The following CNBD1 variants were observed in gnomAD, a reference collection of about 807,000 sequenced individuals.
The protein encoded by CNBD1 is cyclic nucleotide binding domain containing 1.
In CNBD1, 71 loss-of-function variants were observed where a neutral mutation model predicts 54.4. The ratio of observed to expected loss-of-function variants is 1.30; its 90% confidence interval spans 1.08 to 1.59. The LOEUF (loss-of-function observed/expected upper bound fraction) is 1.59, where lower values mean the gene tolerates loss of function less well. CNBD1 is among the 40% of genes most tolerant of loss of function. The pLI is 0.00. For synonymous variants in CNBD1, 182 were observed against 170.7 expected, an observed-to-expected ratio of 1.07 and a Z score of -0.51; for missense variants, 659 against 518.0, an observed-to-expected ratio of 1.27 and a Z score of -2.64.
chr8:87,334,690 GTTTTCTTTTTTCTTTTC>G (rs1470242462), intron 8 of CNBD1, among the ~76,000 whole-genome samples: 1 of 147,934 alleles, frequency 6.8e-6, no homozygotes, highest in Non-Finnish European at 1.5e-5. Context: ...TTTTGAGTGA[GTTTTCTTTTTTCTTTTC>G]TTTTCTTTTT....
intron 6 of CNBD1, among the ~76,000 whole-genome samples, chr8:87,280,131 C>A (rs16898282): frequency 0.28 from 42,606 of 151,286 alleles, 6,455 homozygotes; most frequent in African/African-American, 0.39. Context: ...TTAGTTCCAA[C>A]TTTACCTTCC....
chr8:86,932,547 G>A (rs1471708235), intron 3 of CNBD1, among the ~76,000 whole-genome samples: 1 of 152,194 alleles, frequency 6.6e-6, no homozygotes, highest in Non-Finnish European at 1.5e-5. Context: ...ATCCTTCAAT[G>A]AAAGGAAAGC....
chr8:87,348,354 G>T (rs1256295779), intron 8 of CNBD1, among the ~76,000 whole-genome samples: 1 of 152,020 alleles, frequency 6.6e-6, no homozygotes, highest in Non-Finnish European at 1.5e-5. Context: ...TATTCGCATT[G>T]GTATGGACTG....
chr8:86,978,502 GC>G (rs1412407334), intron 4 of CNBD1, among the ~76,000 whole-genome samples: 2 of 143,220 alleles, frequency 1.4e-5, no homozygotes, highest in East Asian at 4.2e-4. Flanking sequence ...TCCTAATAAT[GC>G]TTTTTACATT....
intron 4 of CNBD1, among the ~76,000 whole-genome samples, chr8:86,978,078 C>T (rs1808382585): frequency 6.6e-6 from 1 of 152,126 alleles, no homozygotes; most frequent in South Asian, 2.1e-4. Flanking sequence ...TTATGAATTA[C>T]ATTTTAATGT....
chr8:87,221,210 A>G (rs1395668801), intron 5 of CNBD1, among the ~76,000 whole-genome samples: 2 of 152,140 alleles, frequency 1.3e-5, no homozygotes, highest in Non-Finnish European at 2.9e-5. Flanking sequence ...TAAACCAGTC[A>G]TACTTCATTT....
At chr8:86,932,797 T>A (rs1413231151) in intron 3 of CNBD1, among the ~76,000 whole-genome samples, 13 of 151,864 alleles carry the variant, frequency 8.6e-5, no homozygotes, top group African/African-American at 3.1e-4. Flanking sequence ...GTGTTTCCCA[T>A]CTGAAAGAAA....
intron 4 of CNBD1, among the ~76,000 whole-genome samples, chr8:87,083,398 A>G (rs978950988): frequency 6.6e-6 from 1 of 152,114 alleles, no homozygotes; most frequent in African/African-American, 2.4e-5. Context: ...GGCAGCCACT[A>G]TAAGACTTCA....
At chr8:87,203,669 A>T (rs146964440) in intron 4 of CNBD1, among the ~76,000 whole-genome samples, 528 of 152,310 alleles carry the variant, frequency 3.5e-3, no homozygotes, top group African/African-American at 0.012. Flanking sequence ...AAAAAACAGA[A>T]AGTTTCACTA....
At chr8:86,907,632 C>T (rs1026586585) in intron 3 of CNBD1, among the ~76,000 whole-genome samples, 5 of 151,292 alleles carry the variant, frequency 3.3e-5, no homozygotes, top group African/African-American at 1.2e-4. Context: ...TGCGCCACTG[C>T]ACTCCAGCCT....
At chr8:86,947,919 C>A (rs1346022485) in intron 4 of CNBD1, among the ~76,000 whole-genome samples, 1 of 152,116 alleles carries the variant, frequency 6.6e-6, no homozygotes, top group African/African-American at 2.4e-5. Context: ...TGCTACCCTT[C>A]CCAGACTCTG....
intron 8 of CNBD1, among the ~76,000 whole-genome samples, chr8:87,308,797 A>G (rs1809207753): frequency 6.6e-6 from 1 of 152,090 alleles, no homozygotes; most frequent in Non-Finnish European, 1.5e-5. Context: ...TACCTCCATG[A>G]GATCCACCTT....
chr8:87,092,166 G>C (rs1036575988), intron 4 of CNBD1, among the ~76,000 whole-genome samples: 4 of 152,080 alleles, frequency 2.6e-5, no homozygotes, highest in Non-Finnish European at 5.9e-5. Context: ...TCTAACTCTA[G>C]TCTGCCTTCT....
chr8:86,936,551 TAACACTGTGA>T (rs1421772248), intron 3 of CNBD1, among the ~76,000 whole-genome samples: 1 of 151,968 alleles, frequency 6.6e-6, no homozygotes, highest in East Asian at 1.9e-4. Context: ...CCATCCTGGC[TAACACTGTGA>T]AACCCCATCT....
At chr8:86,954,913 C>A (rs972424570) in intron 4 of CNBD1, among the ~76,000 whole-genome samples, 2 of 151,986 alleles carry the variant, frequency 1.3e-5, no homozygotes, top group Non-Finnish European at 2.9e-5. Context: ...ATATATGTGC[C>A]ATGTTGGTGT....
chr8:87,057,353 C>A (rs1199095952), intron 4 of CNBD1, among the ~76,000 whole-genome samples: 1 of 152,090 alleles, frequency 6.6e-6, no homozygotes, highest in Non-Finnish European at 1.5e-5. Context: ...TTAATAAAAC[C>A]ATCAGATCTT....
At position 86,922,653 on chromosome 8, in the gene CNBD1, G is replaced by A. The variant is rs189368487; in HGVS notation, c.273-16943G>A. On this transcript the variant is annotated intron_variant, in intron 3 of 10. Transcript: ENST00000518476. ...AGTTACAAGAAAGTTTCAAGTCTGAGTTAAAAAAAAATCCACTTATGATGA... is the reference window on the plus strand; with the variant it reads ...AGTTACAAGAAAGTTTCAAGTCTGAATTAAAAAAAAATCCACTTATGATGA... 8.0e-4 allele frequency among the ~76,000 whole-genome samples: 122 copies of A among 152,108 alleles called. 1 individual carries two copies. The South Asian group carries it at 0.018, about 23-fold the overall frequency.
chr8:87,058,596 C>A (rs1453334056), intron 4 of CNBD1, among the ~76,000 whole-genome samples: 4 of 152,210 alleles, frequency 2.6e-5, no homozygotes, highest in Non-Finnish European at 5.9e-5. Context: ...GCAGGACCAA[C>A]ACCACATGAA....
At chr8:87,221,553 A>G (rs1348639681) in intron 5 of CNBD1, among the ~76,000 whole-genome samples, 1 of 152,048 alleles carries the variant, frequency 6.6e-6, no homozygotes, top group Non-Finnish European at 1.5e-5. Context: ...CTTCTTTTTC[A>G]TAAAGTCATT....
Sources: gnomAD v4.1 joint callset for allele counts (sites outside exome capture counted in the v4.1 genomes callset) on GRCh38, gnomAD v4.1.1 for gene constraint, MANE v1.5 for transcripts, NCBI Gene and HGNC (gene_info 2026-07-23, HGNC 2026-07-21) for gene names.